EYS: variants seen among roughly 807,000 people sequenced by gnomAD.
EYS encodes protein eyes shut homolog.
Under a neutral mutation model 282.1 loss-of-function variants are expected in EYS, and 250 were observed. The ratio of observed to expected loss-of-function variants is 0.89; its 90% CI spans 0.80 to 0.98. EYS has a LOEUF of 0.98. EYS is among the 50% of genes least tolerant of loss of function. EYS has a pLI of 0.00. For synonymous variants in EYS, 1,355 were observed against 1,282.9 expected (o/e 1.06, Z -1.20); for missense variants, 4,016 against 3,709.0 (o/e 1.08, Z -2.15).
intron 26 of EYS, among the ~76,000 whole-genome samples, chr6:64,499,463 T>A (rs1331726879): frequency 6.6e-6 from 1 of 152,210 alleles, no homozygotes; most frequent in African/African-American, 2.4e-5. Context: ...GTTTTAAATC[T>A]AGACTTTTGG....
At chr6:65,047,008 C>T (rs1773122650) in intron 13 of EYS, among the ~76,000 whole-genome samples, 1 of 151,796 alleles carries the variant, frequency 6.6e-6, no homozygotes, top group African/African-American at 2.4e-5. Context: ...CTTGCTTCCC[C>T]TTCACCTTCT....
intron 12 of EYS, among the ~76,000 whole-genome samples, chr6:65,166,109 A>C (rs1764965433): frequency 6.6e-6 from 1 of 151,208 alleles, no homozygotes; most frequent in South Asian, 2.1e-4. Flanking sequence ...AAATGGAATG[A>C]TGTCCCGTGT....
intron 37 of EYS, among the ~76,000 whole-genome samples, chr6:63,799,013 ATAT>A (rs1770718004): frequency 5.2e-5 from 7 of 134,682 alleles, no homozygotes; most frequent in African/African-American, 2.0e-4. Context: ...ATATATATAT[ATAT>A]ATATAATTTT....
At chr6:64,658,447 G>C (rs1361662645) in intron 22 of EYS, among the ~76,000 whole-genome samples, 1 of 152,114 alleles carries the variant, frequency 6.6e-6, no homozygotes, top group Non-Finnish European at 1.5e-5. Flanking sequence ...AGAGTTTCCA[G>C]TTTTTCTGCT....
chr6:64,657,979 A>C (rs1768817032), intron 22 of EYS, among the ~76,000 whole-genome samples: 3 of 152,036 alleles, frequency 2.0e-5, no homozygotes, highest in Non-Finnish European at 4.4e-5. Context: ...CTCCTTGTCA[A>C]TTTCAGGTAC....
At chr6:64,534,194 A>T (rs1377161317) in intron 26 of EYS, among the ~76,000 whole-genome samples, 1 of 151,942 alleles carries the variant, frequency 6.6e-6, no homozygotes, top group Non-Finnish European at 1.5e-5. Context: ...AATATTAAAA[A>T]TAAAAATTGA....
At chr6:64,776,568 G>T (rs1041297944) in intron 22 of EYS, among the ~76,000 whole-genome samples, 3 of 151,834 alleles carry the variant, frequency 2.0e-5, no homozygotes, top group Non-Finnish European at 4.4e-5. Context: ...ACTGCTCTTT[G>T]TGTGTAGTTA....
chr6:65,261,061 C>T (rs190331892), intron 12 of EYS, among the ~76,000 whole-genome samples: 71 of 151,954 alleles, frequency 4.7e-4, no homozygotes, highest in Non-Finnish European at 9.0e-4. Flanking sequence ...CTTTGCACTT[C>T]ACTGATCTTT....
At chr6:65,362,349 G>A (rs1439193661) in intron 8 of EYS, among the ~76,000 whole-genome samples, 1 of 151,890 alleles carries the variant, frequency 6.6e-6, no homozygotes, top group African/African-American at 2.4e-5. Context: ...ATTCCTAAAG[G>A]CAATACATTC....
At chr6:63,915,038 GCTACA>G (rs1208973008) in intron 35 of EYS, among the ~76,000 whole-genome samples, 1 of 152,148 alleles carries the variant, frequency 6.6e-6, no homozygotes, top group Non-Finnish European at 1.5e-5. Flanking sequence ...GATGAAGGTG[GCTACA>G]CTAAACAATA....
At chr6:64,807,469 TG>T (rs1764466293) in intron 22 of EYS, among the ~76,000 whole-genome samples, 1 of 152,064 alleles carries the variant, frequency 6.6e-6, no homozygotes, top group African/African-American at 2.4e-5. Context: ...CAGCTAGAAA[TG>T]AAATCATCAG....
chr6:63,834,535 T>A (rs957118912), intron 36 of EYS, among the ~76,000 whole-genome samples: 5 of 151,564 alleles, frequency 3.3e-5, no homozygotes, highest in African/African-American at 9.7e-5. Context: ...ATGGCAATCA[T>A]TAAAAAGTCA....
At chr6:64,090,921 T>A (rs1772336035) in intron 31 of EYS, among the ~76,000 whole-genome samples, 1 of 152,166 alleles carries the variant, frequency 6.6e-6, no homozygotes, top group African/African-American at 2.4e-5. Flanking sequence ...TACTGCCAAA[T>A]GGATGTTATT....
chr6:65,009,597 G>A (rs922615560), intron 13 of EYS, among the ~76,000 whole-genome samples: 62 of 152,134 alleles, frequency 4.1e-4, no homozygotes, highest in African/African-American at 1.4e-3. Flanking sequence ...TTCAGAGATA[G>A]CCCCCATCTA....
At chr6:65,581,195 G>A (rs1005898822) in intron 2 of EYS, among the ~76,000 whole-genome samples, 14 of 151,838 alleles carry the variant, frequency 9.2e-5, no homozygotes, top group African/African-American at 2.7e-4. Flanking sequence ...TCATGTACTC[G>A]TCTTCACCCA....
At chr6:64,168,119 G>A (rs112379744) in intron 31 of EYS, among the ~76,000 whole-genome samples, 3,905 of 152,192 alleles carry the variant, frequency 0.026, 155 homozygotes, top group African/African-American at 0.089. Flanking sequence ...AAGATTAGCC[G>A]AGCGTGGTGC....
chr6:65,512,294 C>T (rs1361139061), intron 2 of EYS, among the ~76,000 whole-genome samples: 4 of 151,786 alleles, frequency 2.6e-5, no homozygotes, highest in Admixed American at 2.6e-4. Flanking sequence ...AGATCGAGAC[C>T]ATCCTAATTA....
chr6:64,949,458 GCCT>G (rs910261928), intron 14 of EYS, among the ~76,000 whole-genome samples: 8 of 151,762 alleles, frequency 5.3e-5, no homozygotes, highest in African/African-American at 9.7e-5. Context: ...TTGACACATG[GCCT>G]CCTCCTCTCA....
intron 33 of EYS, among the ~76,000 whole-genome samples, chr6:64,024,817 A>G (rs2149822853): frequency 6.6e-6 from 1 of 152,154 alleles, no homozygotes; most frequent in East Asian, 1.9e-4. Context: ...GAAACTCCAA[A>G]CACATCCGAA....
Sources: allele counts gnomAD v4.1 joint callset (sites outside exome capture counted in the v4.1 genomes callset), GRCh38; gene constraint gnomAD v4.1.1; transcripts MANE v1.5; gene names NCBI Gene and HGNC (gene_info 2026-07-23, HGNC 2026-07-21).